CYB5R4: variants seen among roughly 807,000 people sequenced by gnomAD.
The protein encoded by CYB5R4 is cytochrome b5 reductase 4, also known as N-terminal cytochrome b5 and cytochrome b5 oxidoreductase domain-containing protein.
In CYB5R4, 55 loss-of-function variants were observed where a neutral mutation model predicts 70.2. The ratio of observed to expected loss-of-function variants is 0.78; its 90% CI spans 0.63 to 0.98. CYB5R4 has a LOEUF of 0.98. Among genes scored for constraint, CYB5R4 ranks in the 50% least tolerant of loss-of-function variants. The pLI, the probability that CYB5R4 is intolerant of heterozygous loss-of-function variation, is 0.00. For synonymous variants in CYB5R4, 197 were observed against 199.5 expected (o/e 0.99, Z 0.11); for missense variants, 562 against 612.6 (o/e 0.92, Z 0.87).
intron 14 of CYB5R4, among the ~76,000 whole-genome samples, chr6:83,948,884 G>A (rs1025939118): frequency 1.3e-5 from 2 of 151,954 alleles, no homozygotes; most frequent in Non-Finnish European, 2.9e-5. Flanking sequence ...CATCAGGTGA[G>A]TGGTACTCTC....
intron 2 of CYB5R4, among the ~76,000 whole-genome samples, chr6:83,891,573 A>G (rs1039960745): frequency 6.6e-6 from 1 of 152,150 alleles, no homozygotes; most frequent in Non-Finnish European, 1.5e-5. Flanking sequence ...ATAATTAGCA[A>G]ATTACTAACA....
At chr6:83,880,249 G>A (rs531304603) in intron 2 of CYB5R4, among the ~76,000 whole-genome samples, 7 of 152,110 alleles carry the variant, frequency 4.6e-5, no homozygotes, top group African/African-American at 9.7e-5. Flanking sequence ...TGATGGGAAC[G>A]TACAATCTAC....
intron 2 of CYB5R4, among the ~76,000 whole-genome samples, chr6:83,871,361 G>A (rs184746344): frequency 6.1e-4 from 93 of 152,190 alleles, no homozygotes; most frequent in African/African-American, 2.1e-3. Flanking sequence ...AGTCTTTGTC[G>A]ATTGTATTAA....
At chr6:83,862,436 G>A (rs935889986) in intron 1 of CYB5R4, among the ~76,000 whole-genome samples, 8 of 152,220 alleles carry the variant, frequency 5.3e-5, no homozygotes, top group African/African-American at 1.9e-4. Flanking sequence ...GACCACTAAG[G>A]AGTTGAGGAT....
At chr6:83,870,971 C>CTTTTTT (rs759131653) in intron 2 of CYB5R4, among the ~76,000 whole-genome samples, 54 of 88,606 alleles carry the variant, frequency 6.1e-4, no homozygotes, top group East Asian at 9.6e-4. Flanking sequence ...TCATTGTTTG[C>CTTTTTT]TTTTTTTTTT....
At chr6:83,958,797 C>T (rs942552750) in intron 15 of CYB5R4, among the ~76,000 whole-genome samples, 1 of 152,152 alleles carries the variant, frequency 6.6e-6, no homozygotes. Flanking sequence ...TAGGGCAGTT[C>T]TTAACCCTTC....
chr6:83,944,294 G>T (rs1195760447), intron 14 of CYB5R4, among the ~76,000 whole-genome samples: 3 of 152,120 alleles, frequency 2.0e-5, no homozygotes, highest in African/African-American at 7.2e-5. Flanking sequence ...CATTCTTAAA[G>T]AAAAGAGTTT....
rs998349289 is a variant in CYB5R4 at position 83,959,851 on chromosome 6, A to G, written c.1539A>G (p.Lys513=). ...VRLLHDLNFS[K]NEIHSFTA ...TGCTGCATGATCTCAACTTTTCCAAAAATGAGATCCATAGTTTTACAGCAT... is the reference window on the plus strand; with the variant it reads ...TGCTGCATGATCTCAACTTTTCCAAGAATGAGATCCATAGTTTTACAGCAT... The change falls in exon 16 of 16, where the codon AAA becomes AAG. Residue 513 remains lysine (K), a synonymous_variant. Coordinates refer to ENST00000369681, the MANE Select transcript of CYB5R4 (RefSeq NM_016230.4). 2 of 1,601,570 alleles carry G rather than the reference A, an allele frequency of 1.2e-6. No homozygotes were observed. The highest frequency in any genetic ancestry group is 1.7e-5 in the Admixed American group (1 of 58,544).
intron 2 of CYB5R4, among the ~76,000 whole-genome samples, chr6:83,876,410 C>T (rs1415444910): frequency 6.6e-6 from 1 of 151,942 alleles, no homozygotes; most frequent in Non-Finnish European, 1.5e-5. Context: ...AATTCTTCAA[C>T]TGCCTGGATT....
At chr6:83,927,028 T>C (rs1461626231) in intron 10 of CYB5R4, among the ~76,000 whole-genome samples, 1 of 152,174 alleles carries the variant, frequency 6.6e-6, no homozygotes, top group Non-Finnish European at 1.5e-5. Flanking sequence ...CTCTCTGCCT[T>C]GTCAGCTCCT....
At position 83,917,947 on chromosome 6, in the gene CYB5R4, A is replaced by T. The variant is rs757104649; in HGVS notation, c.446-58A>T. On this transcript the variant is annotated intron_variant, in intron 5 of 15. Coordinates refer to ENST00000369681, the MANE Select transcript of CYB5R4 (RefSeq NM_016230.4). The stretch of plus-strand genomic sequence containing the variant: ...GATATTTCACTAAGAAGTTAACTTA[A>T]AAGACAAAAAGTTAAAAATACTTTG... 9.9e-4 allele frequency: 1,355 copies of T among 1,370,352 alleles called. 7 individuals carry two copies. Among genetic ancestry groups the T allele is most frequent in the South Asian group, 2.0e-3 (170 of 83,098 alleles). The allele number at this position is 1,370,352 out of a possible 1,614,324, so 84.9% of individuals were successfully genotyped here.
At chr6:83,899,256 C>A (rs952638020) in intron 3 of CYB5R4, among the ~76,000 whole-genome samples, 2 of 152,042 alleles carry the variant, frequency 1.3e-5, no homozygotes, top group Non-Finnish European at 2.9e-5. Flanking sequence ...TGTTTATATG[C>A]TGGATTACGT....
chr6:83,908,315 C>T (rs576025039), intron 3 of CYB5R4, among the ~76,000 whole-genome samples: 2 of 151,992 alleles, frequency 1.3e-5, no homozygotes, highest in African/African-American at 4.8e-5. Context: ...GGTATATGTG[C>T]AGGATGTGCA....
At chr6:83,906,705 G>C (rs2099463823) in intron 3 of CYB5R4, among the ~76,000 whole-genome samples, 1 of 152,172 alleles carries the variant, frequency 6.6e-6, no homozygotes, top group Non-Finnish European at 1.5e-5. Flanking sequence ...TATTCAGAAT[G>C]TAATTATCCA....
In CYB5R4 at chr6:83,940,209, A is replaced by G. The variant is rs1219101858; in HGVS notation, c.1259+3A>G. ...TTGACTGATATACCCAGTCTCAGGT[A>G]TGTAATTTTGTCTCTAATTACGATC... On this transcript the variant is annotated splice_donor_region_variant and intron_variant, in intron 13 of 15. Coordinates refer to ENST00000369681, the MANE Select transcript of CYB5R4 (RefSeq NM_016230.4). The G allele has an allele frequency of 1.3e-6, 2 of 1,597,646 alleles. No homozygotes were observed. The highest frequency in any genetic ancestry group is 1.8e-5 in the Admixed American group (1 of 56,534).
Position 83,964,128 on chromosome 6 carries a change from T to G in CYB5R4, c.*4250T>G, listed in dbSNP as rs186705307. The G allele has an allele frequency of 3.2e-3, 535 of 165,968 alleles. 2 individuals are homozygous for G. The highest frequency in any genetic ancestry group is 0.012 in the African/African-American group (517 of 41,762). The allele number at this position is 165,968 out of a possible 1,614,324, so 10.3% of individuals were successfully genotyped here. On this transcript the variant is annotated 3_prime_UTR_variant, in exon 16 of 16. Transcript: ENST00000369681. ...GTGAAAATGGACTAATACAGTAAAT[T>G]GGTACCAGTAGAGCAGGTGTTGCTG...
chr6:83,897,830 C>T (rs560661578), intron 3 of CYB5R4, among the ~76,000 whole-genome samples: 1 of 152,200 alleles, frequency 6.6e-6, no homozygotes, highest in Non-Finnish European at 1.5e-5. Flanking sequence ...AATTTTCTCC[C>T]ATTCTGTAGG....
intron 2 of CYB5R4, among the ~76,000 whole-genome samples, chr6:83,872,328 G>T (rs2099457757): frequency 6.6e-6 from 1 of 152,156 alleles, no homozygotes; most frequent in African/African-American, 2.4e-5. Context: ...TATATGCTAT[G>T]TGCTAAGTGT....
At position 83,859,811 on chromosome 6, in the gene CYB5R4, C is replaced by T; in HGVS notation, c.29C>T (p.Pro10Leu). Residue 10 changes from proline (P) to leucine (L), a missense_variant, in exon 1 of 16, where the codon CCG (proline) becomes CTG (leucine). Physicochemically the swap from Pro to Leu is moderately conservative, Grantham distance 98 (BLOSUM62 -3). Coordinates refer to ENST00000369681, the MANE Select transcript of CYB5R4 (RefSeq NM_016230.4). MLNVPSQSF[P>L]APRSQQRVAS... is the part of the protein sequence containing the mutation. Reference sequence around the variant, plus strand: ...CTGAACGTCCCTTCCCAGTCTTTCCCGGCCCCCAGGTCGCAGCAGCGTGTC... The same window carrying T: ...CTGAACGTCCCTTCCCAGTCTTTCCTGGCCCCCAGGTCGCAGCAGCGTGTC... 1 of 1,613,412 alleles carries T rather than the reference C, an allele frequency of 6.2e-7. No homozygotes were observed. Among genetic ancestry groups the T allele is most frequent in the Non-Finnish European group, 8.5e-7 (1 of 1,179,808 alleles).
Sources: gnomAD v4.1 joint callset for allele counts (sites outside exome capture counted in the v4.1 genomes callset) on GRCh38, gnomAD v4.1.1 for gene constraint, MANE v1.5 for transcripts, NCBI Gene and HGNC (gene_info 2026-07-23, HGNC 2026-07-21) for gene names.